Variants in EDIL3 observed in about 807,000 individuals in gnomAD.
The protein encoded by EDIL3 is EGF-like repeat and discoidin I-like domain-containing protein 3.
EDIL3 carries 37 observed loss-of-function variants against 67.4 expected under a neutral mutation model. The ratio of observed to expected loss-of-function variants is 0.55; its 90% CI spans 0.42 to 0.72. The LOEUF (loss-of-function observed/expected upper bound fraction) is 0.72, where lower values mean the gene tolerates loss of function less well. EDIL3 is among the 30% of genes least tolerant of loss of function. The probability of loss-of-function intolerance (pLI) is 0.00; values close to 1 mark genes in which losing one functional copy is unlikely to be tolerated. For missense variants in EDIL3, 527 were observed against 586.3 expected (o/e 0.90, Z 1.04); for synonymous variants, 195 against 196.3 (o/e 0.99, Z 0.05).
chr5:84,253,202 T>C (rs926953922), intron 2 of EDIL3, among the ~76,000 whole-genome samples: 52 of 152,328 alleles, frequency 3.4e-4, no homozygotes, highest in African/African-American at 1.2e-3. Flanking sequence ...TTCAAAACTA[T>C]TTCCCCAAAG....
At position 84,324,979 on chromosome 5, in the gene EDIL3, T is replaced by C. The variant is rs553739213; in HGVS notation, c.67+59329A>G. 1.3e-4 allele frequency among the ~76,000 whole-genome samples: 20 copies of C among 151,730 alleles called. No homozygotes were observed. In the South Asian group the frequency reaches 3.1e-3, roughly 24 times the overall value. On this transcript the variant is annotated intron_variant, in intron 1 of 10. Transcript: ENST00000296591. The stretch of plus-strand genomic sequence containing the variant: ...CTGGTGACTTCCACCAAATGTTTAA[T>C]GACAAACTAATACAAATATTTTCCA...
intron 1 of EDIL3, among the ~76,000 whole-genome samples, chr5:84,335,295 T>C (rs1328553159): frequency 1.3e-5 from 2 of 152,228 alleles, no homozygotes; most frequent in Non-Finnish European, 2.9e-5. Context: ...AAGGGCTTTA[T>C]AGCCATGCTG....
At chr5:84,065,972 G>A (rs560055371) in intron 7 of EDIL3, among the ~76,000 whole-genome samples, 2 of 151,888 alleles carry the variant, frequency 1.3e-5, no homozygotes, top group Admixed American at 6.6e-5. Context: ...AAAATTAGCC[G>A]GGCGTGGTGG....
At chr5:84,085,733 C>T (rs913239801) in intron 6 of EDIL3, among the ~76,000 whole-genome samples, 3 of 152,158 alleles carry the variant, frequency 2.0e-5, no homozygotes, top group African/African-American at 7.2e-5. Flanking sequence ...TTGTCAGGAT[C>T]AGCTGCTCTC....
At chr5:83,972,190 T>A (rs1744804976) in intron 9 of EDIL3, among the ~76,000 whole-genome samples, 1 of 152,154 alleles carries the variant, frequency 6.6e-6, no homozygotes, top group African/African-American at 2.4e-5. Context: ...ATTCTATTCA[T>A]CTTTGTCACA....
chr5:84,300,480 A>G (rs945026684), intron 1 of EDIL3, among the ~76,000 whole-genome samples: 3 of 152,234 alleles, frequency 2.0e-5, no homozygotes, highest in Non-Finnish European at 4.4e-5. Context: ...TTAAAAGACC[A>G]TTATTCTGCC....
At chr5:84,251,440 G>T (rs1295977497) in intron 2 of EDIL3, among the ~76,000 whole-genome samples, 2 of 150,044 alleles carry the variant, frequency 1.3e-5, no homozygotes, top group South Asian at 2.1e-4. Flanking sequence ...AAACAAAAAC[G>T]CAGGATGGTC....
In EDIL3 at chr5:84,326,019, A is replaced by G. The variant is rs185132124; in HGVS notation, c.67+58289T>C. On this transcript the variant is annotated intron_variant, in intron 1 of 10. Transcript: ENST00000296591. ...CAGAAGTGGGACCTTTAAGTGGCTG[A>G]TTAGGTTACCAGGTCACCAGGGCTC... Among the ~76,000 whole-genome samples the G allele has an allele frequency of 1.5e-3, 234 of 152,260 alleles. 1 individual carries two copies. Among genetic ancestry groups the G allele is most frequent in the African/African-American group, 5.4e-3 (225 of 41,562 alleles).
chr5:84,325,990 T>A (rs909983210), intron 1 of EDIL3, among the ~76,000 whole-genome samples: 4 of 152,118 alleles, frequency 2.6e-5, no homozygotes, highest in African/African-American at 9.7e-5. Flanking sequence ...AATGCAGCAG[T>A]TTTCAGAAGT....
At chr5:84,270,522 A>G (rs563489669) in intron 1 of EDIL3, among the ~76,000 whole-genome samples, 56 of 152,334 alleles carry the variant, frequency 3.7e-4, no homozygotes, top group African/African-American at 1.3e-3. Flanking sequence ...TGACAAAACT[A>G]ATGCATAAAT....
chr5:84,368,983 A>G (rs991585581), intron 1 of EDIL3, among the ~76,000 whole-genome samples: 51 of 152,004 alleles, frequency 3.4e-4, no homozygotes, highest in Non-Finnish European at 1.3e-4. Context: ...GCATAAAATA[A>G]AAAGTGTTGT....
rs1748390983 is a variant in EDIL3, at chr5:84,151,496, A to G, written c.356-14142T>C. Among the ~76,000 whole-genome samples, 3 of 152,218 alleles carry G rather than the reference A, an allele frequency of 2.0e-5. No homozygotes were observed. The South Asian group carries it at 6.2e-4, about 31-fold the overall frequency. ...AGTAATAGGAGGAGCTGTATTCATA[A>G]AGATGAGAAAAATACTGATTTTTAA... On this transcript the variant is annotated intron_variant, in intron 4 of 10. Transcript: ENST00000296591.
intron 3 of EDIL3, among the ~76,000 whole-genome samples, chr5:84,222,516 T>G (rs889485781): frequency 6.6e-6 from 1 of 151,896 alleles, no homozygotes; most frequent in Non-Finnish European, 1.5e-5. Flanking sequence ...CAGTGACCTC[T>G]ATCATCACTA....
chr5:83,960,745 C>T (rs1345425854), intron 10 of EDIL3, among the ~76,000 whole-genome samples: 2 of 150,752 alleles, frequency 1.3e-5, no homozygotes, highest in Non-Finnish European at 3.0e-5. Flanking sequence ...ATTCAATAAA[C>T]ACGATTAAAA....
At chr5:84,175,682 A>G (rs1156325761) in intron 4 of EDIL3, among the ~76,000 whole-genome samples, 1 of 152,218 alleles carries the variant, frequency 6.6e-6, no homozygotes, top group African/African-American at 2.4e-5. Context: ...TTACCAAGAT[A>G]GAGTTGTATC....
At chr5:84,091,553 A>G (rs1338090446) in intron 6 of EDIL3, among the ~76,000 whole-genome samples, 2 of 152,220 alleles carry the variant, frequency 1.3e-5, no homozygotes, top group African/African-American at 2.4e-5. Context: ...GTGGCTTAGT[A>G]CTGTCACATT....
chr5:84,266,965 T>C (rs1011335350), intron 1 of EDIL3, among the ~76,000 whole-genome samples: 31 of 152,238 alleles, frequency 2.0e-4, no homozygotes, highest in African/African-American at 7.2e-4. Flanking sequence ...AGCTTCATAA[T>C]ATCCCTGTGG....
chr5:84,383,880 G>GC lies in EDIL3; in HGVS notation c.67+427dup. ...CCCTGCAGCTCCCCAGCCTCTTCCCGCATCAACTAGCTGACGCCCGGGCGC... is the reference window on the plus strand; with the variant it reads ...CCCTGCAGCTCCCCAGCCTCTTCCCGCCATCAACTAGCTGACGCCCGGGCGC... On this transcript the variant is annotated intron_variant, in intron 1 of 10. Transcript: ENST00000296591. Among the ~76,000 whole-genome samples the GC allele has an allele frequency of 3.3e-5, 5 of 152,212 alleles. 1 individual carries two copies. The Middle Eastern group carries it at 0.014, about 414-fold the overall frequency.
chr5:84,070,900 G>A (rs903368649), intron 6 of EDIL3, among the ~76,000 whole-genome samples: 6 of 152,158 alleles, frequency 3.9e-5, no homozygotes, highest in African/African-American at 1.4e-4. Context: ...GTAACTCCAA[G>A]GGCTCATAAA....
Sources: gnomAD v4.1 joint callset for allele counts (sites outside exome capture counted in the v4.1 genomes callset) on GRCh38, gnomAD v4.1.1 for gene constraint, MANE v1.5 for transcripts, NCBI Gene and HGNC (gene_info 2026-07-23, HGNC 2026-07-21) for gene names.